The following CSMD1 variants were observed in gnomAD, a reference collection of about 807,000 sequenced individuals.
The protein encoded by CSMD1 is CUB and Sushi multiple domains 1.
A neutral mutation model predicts 417.5 loss-of-function variants in CSMD1; 213 were observed. The ratio of observed to expected loss-of-function variants is 0.51; its 90% CI spans 0.46 to 0.57. The LOEUF is 0.57. Among genes scored for constraint, CSMD1 ranks in the 20% least tolerant of loss-of-function variants. CSMD1 has a pLI of 0.00. For synonymous variants in CSMD1, 2,862 were observed against 1,736.8 expected, an observed-to-expected ratio of 1.65 and a Z score of -16.11; for missense variants, 6,923 against 4,529.7, an observed-to-expected ratio of 1.53 and a Z score of -15.17.
chr8:3,841,189 A>G (rs1803109989), intron 5 of CSMD1, among the ~76,000 whole-genome samples: 3 of 152,174 alleles, frequency 2.0e-5, no homozygotes, highest in South Asian at 2.1e-4. Flanking sequence ...TGTATGTAAT[A>G]CAAAGGAATT....
At chr8:4,089,735 G>T (rs756469470) in intron 3 of CSMD1, among the ~76,000 whole-genome samples, 1 of 152,094 alleles carries the variant, frequency 6.6e-6, no homozygotes, top group East Asian at 1.9e-4. Context: ...AATTATTATT[G>T]ACACAACATC....
At chr8:2,945,492 C>T (rs1408980700) in intron 68 of CSMD1, among the ~76,000 whole-genome samples, 1 of 152,198 alleles carries the variant, frequency 6.6e-6, no homozygotes, top group African/African-American at 2.4e-5. Context: ...CCTATATCTA[C>T]ACATTAGCAG....
chr8:4,387,630 T>G lies in CSMD1; in HGVS notation c.415+32323A>C, dbSNP rs550034523. On this transcript the variant is annotated intron_variant, in intron 3 of 69. Transcript: ENST00000635120. ...TGGAAGTATTTTTAAGAATTTAATA[T>G]GAAACCATTTACAATAATTAAAAAT... 2.2e-5 allele frequency among the ~76,000 whole-genome samples: 3 copies of G among 135,400 alleles called. No homozygotes were observed. In the Admixed American group the frequency reaches 2.3e-4, roughly 10 times the overall value. The allele number at this position is 135,400 out of a possible 152,430, so 88.8% of individuals were successfully genotyped here. A position where few individuals can be genotyped will look rare whatever the true frequency, so the allele number is the denominator to read the frequency against.
intron 5 of CSMD1, among the ~76,000 whole-genome samples, chr8:3,879,890 T>C (rs556160415): frequency 5.9e-5 from 9 of 152,186 alleles, no homozygotes; most frequent in South Asian, 4.1e-4. Context: ...GATGTTGTAT[T>C]CACGTTTTTA....
chr8:4,914,747 T>G (rs577082582), intron 1 of CSMD1, among the ~76,000 whole-genome samples: 13 of 152,298 alleles, frequency 8.5e-5, no homozygotes, highest in African/African-American at 2.9e-4. Context: ...GAGGCTAATG[T>G]GTTTTCTCAG....
intron 1 of CSMD1, among the ~76,000 whole-genome samples, chr8:4,779,753 T>C (rs549964082): frequency 5.3e-5 from 8 of 152,282 alleles, no homozygotes; most frequent in African/African-American, 7.2e-5. Context: ...TAAATCCTGC[T>C]AATTGCGGTT....
In CSMD1 at chr8:3,435,261, G is replaced by C. The variant is rs116932475; in HGVS notation, c.1562-25656C>G. ...AAATAGTATCCCTGACAGTTAATAT[G>C]TGTTTTCACTGCACATATTTCACTG... On this transcript the variant is annotated intron_variant, in intron 12 of 69. Transcript: ENST00000635120. 6.7e-3 allele frequency among the ~76,000 whole-genome samples: 1,027 copies of C among 152,292 alleles called. 4 individuals carry two copies. Among genetic ancestry groups the C allele is most frequent in the Non-Finnish European group, 8.7e-3 (595 of 68,028 alleles).
chr8:3,971,689 G>T (rs1813101118), intron 5 of CSMD1, among the ~76,000 whole-genome samples: 1 of 152,144 alleles, frequency 6.6e-6, no homozygotes, highest in Non-Finnish European at 1.5e-5. Flanking sequence ...AGGGAGAAAG[G>T]ATGCAAGGAT....
rs530861362 is a variant in CSMD1, at chr8:4,193,467, G to A, written c.416-161368C>T. Among the ~76,000 whole-genome samples, 40 of 151,930 alleles carry A rather than the reference G, an allele frequency of 2.6e-4. No individual in the cohort carries two copies. The South Asian group carries it at 7.1e-3, about 27-fold the overall frequency. The stretch of plus-strand genomic sequence containing the variant: ...ATGCCAGGTCATGTTTTCCCTGGAT[G>A]GAATGATGGACATTAGGGAAGGTGA... On this transcript the variant is annotated intron_variant, in intron 3 of 69. Coordinates refer to ENST00000635120, the MANE Select transcript of CSMD1 (RefSeq NM_033225.6).
At chr8:3,437,197 A>G (rs768696323) in intron 12 of CSMD1, among the ~76,000 whole-genome samples, 1 of 152,190 alleles carries the variant, frequency 6.6e-6, no homozygotes, top group Non-Finnish European at 1.5e-5. Context: ...GGGAAAACTC[A>G]TAAAAATCCT....
chr8:3,936,825 G>A (rs191502123), intron 5 of CSMD1, among the ~76,000 whole-genome samples: 1 of 152,258 alleles, frequency 6.6e-6, no homozygotes, highest in East Asian at 1.9e-4. Flanking sequence ...TAAGGCTATT[G>A]CTGCATGGAG....
chr8:3,292,568 T>C (rs1467782780), intron 25 of CSMD1, among the ~76,000 whole-genome samples: 1 of 152,222 alleles, frequency 6.6e-6, no homozygotes, highest in Non-Finnish European at 1.5e-5. Context: ...ATTGATCCCT[T>C]TACCATTATG....
At chr8:4,082,549 C>G (rs1409208045) in intron 3 of CSMD1, among the ~76,000 whole-genome samples, 1 of 152,034 alleles carries the variant, frequency 6.6e-6, no homozygotes, top group East Asian at 1.9e-4. Context: ...CAAAAACAAA[C>G]AAAATTACAG....
intron 3 of CSMD1, among the ~76,000 whole-genome samples, chr8:4,093,971 T>TAGATAGAC (rs1554445814): frequency 1.9e-4 from 27 of 144,496 alleles, no homozygotes; most frequent in African/African-American, 6.5e-4. Context: ...CTCAAATAGA[T>TAGATAGAC]AGATAGATAG....
chr8:4,071,938 G>T (rs895393272), intron 3 of CSMD1, among the ~76,000 whole-genome samples: 1 of 152,138 alleles, frequency 6.6e-6, no homozygotes, highest in African/African-American at 2.4e-5. Flanking sequence ...GGCAGAACCT[G>T]CAGCCACAGT....
chr8:3,822,218 G>A (rs1227151318), intron 5 of CSMD1, among the ~76,000 whole-genome samples: 1 of 152,082 alleles, frequency 6.6e-6, no homozygotes, highest in African/African-American at 2.4e-5. Context: ...TAGACACTCT[G>A]CCATGTGCCT....
intron 4 of CSMD1, among the ~76,000 whole-genome samples, chr8:4,019,327 C>G (rs1218752521): frequency 6.6e-6 from 1 of 152,178 alleles, no homozygotes; most frequent in Non-Finnish European, 1.5e-5. Flanking sequence ...GTGTCTCTCT[C>G]TTGCTTATCT....
At chr8:4,915,765 T>C (rs1806022789) in intron 1 of CSMD1, among the ~76,000 whole-genome samples, 1 of 152,180 alleles carries the variant, frequency 6.6e-6, no homozygotes, top group Non-Finnish European at 1.5e-5. Flanking sequence ...CTGGCGGGGA[T>C]TCAAACTTTT....
intron 10 of CSMD1, among the ~76,000 whole-genome samples, chr8:3,500,591 C>G (rs1796559263): frequency 1.3e-5 from 2 of 152,086 alleles, no homozygotes; most frequent in African/African-American, 2.4e-5. Flanking sequence ...AAAAAAGAAT[C>G]TGTGGTAGGG....
Sources: allele counts gnomAD v4.1 joint callset (sites outside exome capture counted in the v4.1 genomes callset), GRCh38; gene constraint gnomAD v4.1.1; transcripts MANE v1.5; gene names NCBI Gene and HGNC (gene_info 2026-07-23, HGNC 2026-07-21).